Variants in CYP2J2 observed in about 807,000 individuals in gnomAD.
CYP2J2 encodes the protein cytochrome P450 2J2.
A neutral mutation model predicts 48.8 loss-of-function variants in CYP2J2; 41 were observed. The ratio of observed to expected loss-of-function variants is 0.84; its 90% CI spans 0.66 to 1.09. The LOEUF is 1.09. CYP2J2 is among the 50% of genes least tolerant of loss of function. The probability of loss-of-function intolerance (pLI) is 0.00; values close to 1 mark genes in which losing one functional copy is unlikely to be tolerated. For missense variants in CYP2J2, 644 were observed against 617.3 expected (o/e 1.04, Z -0.46); for synonymous variants, 221 against 227.1 (o/e 0.97, Z 0.24).
At chr1:59,943,435 T>A in the CYP2J2 span, among the ~76,000 whole-genome samples, 1 of 152,290 alleles carries the variant, frequency 6.6e-6, no homozygotes. Flanking sequence ...ATAGATTTCT[T>A]GTGAGAAAAT....
At chr1:59,955,161 A>ATAAATAAATAAT in the CYP2J2 span, among the ~76,000 whole-genome samples, 1 of 149,488 alleles carries the variant, frequency 6.7e-6, no homozygotes, top group Non-Finnish European at 1.5e-5. Flanking sequence ...AAATAAATAA[A>ATAAATAAATAAT]TAAATAAATA....
At chr1:59,927,763 G>T (rs1384550002), upstream of CYP2J2, among the ~76,000 whole-genome samples, 1 of 152,032 alleles carries the variant, frequency 6.6e-6, no homozygotes. Flanking sequence ...GGTACAGATG[G>T]GGTTTCGCCG....
chr1:59,960,686 T>C, the CYP2J2 span, among the ~76,000 whole-genome samples: 127 of 152,086 alleles, frequency 8.4e-4, no homozygotes, highest in African/African-American at 3.0e-3. Context: ...CTAGTAAAAA[T>C]ACAAAAATTA....
the CYP2J2 span, among the ~76,000 whole-genome samples, chr1:59,955,661 G>A: frequency 6.6e-6 from 1 of 152,048 alleles, no homozygotes; most frequent in African/African-American, 2.4e-5. Flanking sequence ...TTGGTACCCA[G>A]ACAACAATAC....
At chr1:59,930,198 C>T (rs747517980), upstream of CYP2J2, among the ~76,000 whole-genome samples, 1 of 152,172 alleles carries the variant, frequency 6.6e-6, no homozygotes, top group Non-Finnish European at 1.5e-5. Flanking sequence ...TTTGTGAATA[C>T]TGCTGCTACA....
intron 1 of CYP2J2, among the ~76,000 whole-genome samples, chr1:59,924,192 T>C (rs2102141041): frequency 6.6e-6 from 1 of 152,268 alleles, no homozygotes; most frequent in Middle Eastern, 3.4e-3. Context: ...AACCTAGAAT[T>C]CTATGTCCAG....
chr1:59,949,927 T>C, the CYP2J2 span, among the ~76,000 whole-genome samples: 3 of 152,152 alleles, frequency 2.0e-5, no homozygotes, highest in Non-Finnish European at 4.4e-5. Flanking sequence ...GAATATTCTG[T>C]TGGCATTTTT....
the CYP2J2 span, among the ~76,000 whole-genome samples, chr1:59,934,252 C>T: frequency 6.6e-6 from 1 of 152,018 alleles, no homozygotes; most frequent in Admixed American, 6.6e-5. Context: ...GATTAAAAAC[C>T]TAAACATATG....
At chr1:59,962,574 G>GA in the CYP2J2 span, among the ~76,000 whole-genome samples, 1 of 152,118 alleles carries the variant, frequency 6.6e-6, no homozygotes, top group Non-Finnish European at 1.5e-5. Context: ...AACAATTCAA[G>GA]AAAGACAAAA....
chr1:59,920,140 C>T (rs1202980034), intron 1 of CYP2J2, among the ~76,000 whole-genome samples: 1 of 151,224 alleles, frequency 6.6e-6, no homozygotes, highest in African/African-American at 2.4e-5. Context: ...GGTATCTGAG[C>T]CAGATCTTAA....
At chr1:59,929,818 A>G (rs531614038), upstream of CYP2J2, among the ~76,000 whole-genome samples, 2 of 152,310 alleles carry the variant, frequency 1.3e-5, no homozygotes, top group East Asian at 3.9e-4. Flanking sequence ...CATAGAATAC[A>G]ATGGCGAGAA....
At chr1:59,955,338 G>A in the CYP2J2 span, among the ~76,000 whole-genome samples, 1 of 138,956 alleles carries the variant, frequency 7.2e-6, no homozygotes, top group African/African-American at 2.5e-5. Flanking sequence ...GGATAAGGAC[G>A]GGTTCTTGCT....
In CYP2J2 at chr1:59,901,109, G is replaced by A. The variant is rs375579952; in HGVS notation, c.1192-6C>T. 6.9e-5 allele frequency: 112 copies of A among 1,611,762 alleles called. No homozygotes were observed. The highest frequency in any genetic ancestry group is 8.7e-5 in the Non-Finnish European group (103 of 1,178,170). On this transcript the variant is annotated splice_polypyrimidine_tract_variant and splice_region_variant and intron_variant, in intron 7 of 8. Transcript: ENST00000371204. ...TTGGTCAGGATCATGGTACCCTAGA[G>A]AAAGCAGCAGAGACTCAGGCAAGGC...
the CYP2J2 span, among the ~76,000 whole-genome samples, chr1:59,941,457 T>A: frequency 3.9e-5 from 6 of 152,232 alleles, no homozygotes; most frequent in Non-Finnish European, 8.8e-5. Flanking sequence ...TTGCTAATGA[T>A]AAACAACTAT....
chr1:59,954,396 G>C, the CYP2J2 span, among the ~76,000 whole-genome samples: 2 of 152,064 alleles, frequency 1.3e-5, no homozygotes, highest in African/African-American at 2.4e-5. Context: ...ACTAATATGA[G>C]AGCAAAGATA....
At chr1:59,904,789 C>T in intron 7 of CYP2J2, 82 bp downstream of exon 7, 1 of 1,209,072 alleles carries the variant, frequency 8.3e-7, no homozygotes, top group Non-Finnish European at 1.2e-6. Context: ...TTAAATGATT[C>T]CTTAGGACAA....
At chr1:59,965,658 TTTTTTG>T in the CYP2J2 span, among the ~76,000 whole-genome samples, 4 of 150,776 alleles carry the variant, frequency 2.7e-5, no homozygotes, top group African/African-American at 9.9e-5. Context: ...CAAATTCTGT[TTTTTTG>T]TTTTTGAGAC....
intron 1 of CYP2J2, 105 bp from the exon 2 acceptor site, chr1:59,916,205 G>A (rs1023656455): frequency 4.5e-6 from 4 of 890,300 alleles, no homozygotes; most frequent in African/African-American, 1.7e-5. Context: ...GAGTGCGTGT[G>A]TCTGTGTCTG....
chr1:59,966,352 T>TC, the CYP2J2 span, among the ~76,000 whole-genome samples: 91 of 152,354 alleles, frequency 6.0e-4, no homozygotes, highest in African/African-American at 2.1e-3. Flanking sequence ...ACTTGGTATG[T>TC]CCTGGGTACC....
Sources: allele counts gnomAD v4.1 joint callset (sites outside exome capture counted in the v4.1 genomes callset), GRCh38; gene constraint gnomAD v4.1.1; transcripts MANE v1.5; gene names NCBI Gene and HGNC (gene_info 2026-07-23, HGNC 2026-07-21).